Variants in FOCAD observed in about 807,000 individuals in gnomAD.
FOCAD encodes the protein KIAA1797.
In FOCAD, 198 loss-of-function variants were observed where a neutral mutation model predicts 225.6. That is an observed-to-expected ratio of 0.88 (90% CI 0.78 to 0.99). The LOEUF (loss-of-function observed/expected upper bound fraction) is 0.99, where lower values mean the gene tolerates loss of function less well. FOCAD is among the 50% of genes least tolerant of loss of function. FOCAD has a pLI of 0.00. For synonymous variants in FOCAD, 897 were observed against 755.0 expected (o/e 1.19, Z -3.08); for missense variants, 2,713 against 2,123.6 (o/e 1.28, Z -5.46).
intron 15 of FOCAD, among the ~76,000 whole-genome samples, chr9:20,848,904 T>C (rs1376929027): frequency 6.6e-6 from 1 of 151,836 alleles, no homozygotes; most frequent in Non-Finnish European, 1.5e-5. Context: ...CTGTGATAAA[T>C]GTTTTTGTAT....
chr9:20,789,800 A>T (rs911724259), intron 11 of FOCAD, among the ~76,000 whole-genome samples, 192 bp downstream of exon 11: 4 of 150,272 alleles, frequency 2.7e-5, no homozygotes, highest in Admixed American at 2.0e-4. Flanking sequence ...ATACTTAATG[A>T]TGCAAACAGT....
At chr9:20,801,103 C>G (rs1055157456) in intron 11 of FOCAD, among the ~76,000 whole-genome samples, 8 of 152,042 alleles carry the variant, frequency 5.3e-5, no homozygotes, top group African/African-American at 1.7e-4. Context: ...TGGAGTTTGC[C>G]GGAGGTCCAC....
chr9:20,687,438 C>T (rs1464672590), intron 1 of FOCAD, among the ~76,000 whole-genome samples: 1 of 152,016 alleles, frequency 6.6e-6, no homozygotes, highest in African/African-American at 2.4e-5. Flanking sequence ...TTTTTGGTTG[C>T]CAGGGTGTAT....
intron 43 of FOCAD, among the ~76,000 whole-genome samples, chr9:20,994,263 T>C (rs1014424026): frequency 1.3e-5 from 2 of 152,230 alleles, no homozygotes; most frequent in African/African-American, 2.4e-5. Context: ...TCCACAAACA[T>C]GGAAGATCTT....
At chr9:20,928,307 T>C (rs1015081110) in intron 26 of FOCAD, among the ~76,000 whole-genome samples, 2 of 152,216 alleles carry the variant, frequency 1.3e-5, no homozygotes, top group African/African-American at 4.8e-5. Flanking sequence ...TGCTACCAGC[T>C]GGATCATTTT....
chr9:20,705,758 G>T (rs1476638178), intron 1 of FOCAD, among the ~76,000 whole-genome samples: 2 of 150,554 alleles, frequency 1.3e-5, no homozygotes, highest in Non-Finnish European at 3.0e-5. Flanking sequence ...GATTTAGATT[G>T]GATGCTGAAA....
At chr9:20,765,150 A>G (rs1829950916) in intron 7 of FOCAD, 77 bp downstream of exon 7, 3 of 1,309,116 alleles carry the variant, frequency 2.3e-6, no homozygotes, top group African/African-American at 1.5e-5. Flanking sequence ...AAGTAGTTCT[A>G]GAACATAAGT....
At chr9:20,786,905 C>G in intron 10 of FOCAD, 1 of 337,732 alleles carries the variant, frequency 3.0e-6, no homozygotes, top group Non-Finnish European at 5.9e-6. Flanking sequence ...ACACCTACTT[C>G]CTCCTCTAAA....
chr9:20,919,493 C>T (rs1383451513), intron 24 of FOCAD, among the ~76,000 whole-genome samples: 2 of 152,046 alleles, frequency 1.3e-5, no homozygotes, highest in African/African-American at 2.4e-5. Flanking sequence ...CCAAAAAGCC[C>T]ACATCACCAA....
At chr9:20,662,677 C>T (rs757117456) in intron 2 of FOCAD, among the ~76,000 whole-genome samples, 9 of 151,700 alleles carry the variant, frequency 5.9e-5, no homozygotes, top group Non-Finnish European at 1.3e-4. Context: ...CCAGGCTGGT[C>T]TTGAACACCT....
chr9:20,923,871 G>T (rs1035342558), intron 25 of FOCAD, 103 bp downstream of exon 25: 2 of 836,138 alleles, frequency 2.4e-6, no homozygotes, highest in African/African-American at 1.7e-5. Context: ...TGTGATTATG[G>T]CACCAAGTTA....
rs114436357 is a variant in FOCAD at position 20,723,720 on chromosome 9, A to G, written c.287+3186A>G. Among the ~76,000 whole-genome samples the G allele has an allele frequency of 1.6e-3, 241 of 152,338 alleles. 1 individual carries two copies. The highest frequency in any genetic ancestry group is 5.4e-3 in the African/African-American group (223 of 41,568). On this transcript the variant is annotated intron_variant, in intron 4 of 43. Coordinates refer to ENST00000338382, the MANE Select transcript of FOCAD (RefSeq NM_001375567.1). ...ACAAACAGAAATAGTAGCCTATTAC[A>G]TAGTATTCTTTAGTTTGCATTTTCA...
chr9:20,758,005 A>T, intron 5 of FOCAD, 85 bp from the exon 6 acceptor site: 1 of 747,808 alleles, frequency 1.3e-6, no homozygotes, highest in African/African-American at 1.8e-5. Flanking sequence ...GATGGTAGGT[A>T]CTGGCTTCTT....
intron 11 of FOCAD, among the ~76,000 whole-genome samples, chr9:20,813,732 T>G (rs1309118617): frequency 6.6e-6 from 1 of 152,186 alleles, no homozygotes; most frequent in Non-Finnish European, 1.5e-5. Flanking sequence ...TATGTGAGTT[T>G]GTTAGGACCA....
intron 21 of FOCAD, among the ~76,000 whole-genome samples, chr9:20,896,262 A>G (rs887332764): frequency 1.3e-5 from 2 of 151,782 alleles, no homozygotes; most frequent in Non-Finnish European, 2.9e-5. Context: ...TAATTTGCGT[A>G]TATTTTGTTG....
chr9:20,864,823 A>C (rs1243805062), intron 16 of FOCAD, among the ~76,000 whole-genome samples: 1 of 152,088 alleles, frequency 6.6e-6, no homozygotes, highest in Non-Finnish European at 1.5e-5. Flanking sequence ...ATTTTTGAGT[A>C]CCTATTCAAT....
chr9:20,828,771 T>C (rs1404988598), intron 15 of FOCAD, among the ~76,000 whole-genome samples: 1 of 152,142 alleles, frequency 6.6e-6, no homozygotes. Context: ...CTATTTTTCC[T>C]AATGCTCTCT....
At chr9:20,980,686 C>T (rs1362932207) in intron 37 of FOCAD, among the ~76,000 whole-genome samples, 1 of 152,164 alleles carries the variant, frequency 6.6e-6, no homozygotes. Flanking sequence ...AAATAGCACA[C>T]AAAAAAGTTT....
At chr9:20,902,570 T>G (rs139126201) in intron 21 of FOCAD, among the ~76,000 whole-genome samples, 2 of 152,096 alleles carry the variant, frequency 1.3e-5, no homozygotes, top group East Asian at 3.9e-4. Flanking sequence ...AGTTCTGAGT[T>G]AATGTATTAA....
Sources: gnomAD v4.1 joint callset for allele counts (sites outside exome capture counted in the v4.1 genomes callset) on GRCh38, gnomAD v4.1.1 for gene constraint, MANE v1.5 for transcripts, NCBI Gene and HGNC (gene_info 2026-07-23, HGNC 2026-07-21) for gene names.